ACVR1C: variants seen among roughly 807,000 people sequenced by gnomAD.
ACVR1C encodes activin A receptor type 1C.
In ACVR1C, 23 loss-of-function variants were observed where a neutral mutation model predicts 57.9. The ratio of observed to expected loss-of-function variants is 0.40; its 90% CI spans 0.29 to 0.56. The LOEUF (loss-of-function observed/expected upper bound fraction) is 0.56. Among genes scored for constraint, ACVR1C ranks in the 20% least tolerant of loss-of-function variants. The probability of loss-of-function intolerance (pLI) is 0.50; values close to 1 mark genes in which losing one functional copy is unlikely to be tolerated. For synonymous variants in ACVR1C, 214 were observed against 215.3 expected, an observed-to-expected ratio of 0.99 and a Z score of 0.05; for missense variants, 480 against 607.9, an observed-to-expected ratio of 0.79 and a Z score of 2.21.
chr2:157,554,046 A>G (rs1203984405), intron 3 of ACVR1C, among the ~76,000 whole-genome samples: 2 of 151,244 alleles, frequency 1.3e-5, no homozygotes, highest in African/African-American at 2.4e-5. Context: ...AGCCAGGTGT[A>G]GTGGGGCACA....
chr2:157,553,601 A>G (rs1223037047), intron 3 of ACVR1C, among the ~76,000 whole-genome samples: 1 of 152,218 alleles, frequency 6.6e-6, no homozygotes, highest in African/African-American at 2.4e-5. Flanking sequence ...ATTTGAAAGG[A>G]AAATCTTTGG....
intron 4 of ACVR1C, among the ~76,000 whole-genome samples, chr2:157,548,400 A>C (rs1441524365): frequency 8.3e-5 from 12 of 145,356 alleles, no homozygotes; most frequent in South Asian, 4.5e-4. Flanking sequence ...GCTACCAATG[A>C]CTTTCTTCAC....
chr2:157,614,997 A>G (rs60620003), intron 1 of ACVR1C, among the ~76,000 whole-genome samples: 9,954 of 152,228 alleles, frequency 0.065, 495 homozygotes, highest in East Asian at 0.24. Flanking sequence ...ATTTACATTT[A>G]ATGTAATTAT....
chr2:157,580,944 T>C (rs575183725), intron 2 of ACVR1C, among the ~76,000 whole-genome samples: 3 of 152,160 alleles, frequency 2.0e-5, no homozygotes, highest in African/African-American at 7.2e-5. Context: ...AGCCCAACTT[T>C]GGGTAAAGCA....
In ACVR1C at chr2:157,554,272, G is replaced by GAAAGAAAGAAAGAAAGAAAGA. The variant is rs1491411690; in HGVS notation, c.544+1820_544+1821insTCTTTCTTTCTTTCTTTCTTT. Reference sequence around the variant, plus strand: ...GAAAGAAAGAAAGAAAGAAAGAAAGGAAGGAAGGAAGAGAGAGAGAGAGAG... The same window carrying GAAAGAAAGAAAGAAAGAAAGA: ...GAAAGAAAGAAAGAAAGAAAGAAAGGAAAGAAAGAAAGAAAGAAAGAAAGGAAGGAAGAGAGAGAGAGAGAG... On this transcript the variant is annotated intron_variant, in intron 3 of 8. Coordinates refer to ENST00000243349, the MANE Select transcript of ACVR1C (RefSeq NM_145259.3). Among the ~76,000 whole-genome samples, 135 of 47,490 alleles carry GAAAGAAAGAAAGAAAGAAAGA rather than the reference G, an allele frequency of 2.8e-3. 1 individual carries two copies. The highest frequency in any genetic ancestry group is 9.7e-3 in the East Asian group (11 of 1,130). The allele number at this position is 47,490 out of a possible 152,430, so 31.2% of individuals were successfully genotyped here.
At chr2:157,612,161 A>T (rs985655532) in intron 1 of ACVR1C, among the ~76,000 whole-genome samples, 1 of 152,184 alleles carries the variant, frequency 6.6e-6, no homozygotes, top group African/African-American at 2.4e-5. Flanking sequence ...AATCCCAAAC[A>T]GGGAGCTCTT....
At chr2:157,537,394 A>G (rs1299497899) in intron 8 of ACVR1C, among the ~76,000 whole-genome samples, 1 of 151,866 alleles carries the variant, frequency 6.6e-6, no homozygotes, top group Non-Finnish European at 1.5e-5. Context: ...TAAATTATTA[A>G]TATTAGAAAA....
chr2:157,600,719 T>C (rs1474620938), intron 1 of ACVR1C, among the ~76,000 whole-genome samples: 2 of 151,980 alleles, frequency 1.3e-5, no homozygotes, highest in African/African-American at 4.8e-5. Context: ...AAAAATAGAG[T>C]GGCAAGTTCA....
chr2:157,618,804 A>T (rs1280633653), intron 1 of ACVR1C, among the ~76,000 whole-genome samples: 1 of 151,836 alleles, frequency 6.6e-6, no homozygotes, highest in Admixed American at 6.6e-5. Flanking sequence ...TACCAGGGAT[A>T]AAGTAGGAGT....
intron 1 of ACVR1C, among the ~76,000 whole-genome samples, chr2:157,616,018 G>A (rs1184089337): frequency 6.6e-6 from 1 of 152,048 alleles, no homozygotes; most frequent in Non-Finnish European, 1.5e-5. Context: ...GTCTGGATTG[G>A]GCTCTCCGAG....
At chr2:157,626,725 G>A (rs188627115) in intron 1 of ACVR1C, among the ~76,000 whole-genome samples, 1 of 152,294 alleles carries the variant, frequency 6.6e-6, no homozygotes. Context: ...TTTATATAAA[G>A]TTAAGAATAA....
chr2:157,580,529 G>T (rs57333072), intron 2 of ACVR1C, among the ~76,000 whole-genome samples: 1 of 152,072 alleles, frequency 6.6e-6, no homozygotes, highest in Non-Finnish European at 1.5e-5. Context: ...TTCCATTTTT[G>T]CCAAGTTACA....
intron 2 of ACVR1C, among the ~76,000 whole-genome samples, chr2:157,557,691 A>G (rs1195659609): frequency 6.6e-6 from 1 of 152,194 alleles, no homozygotes; most frequent in African/African-American, 2.4e-5. Context: ...TGGTATTCCT[A>G]TAAGAGACAA....
At chr2:157,588,866 T>TATATATATATATATATATATATATAG (rs1558989008) in intron 1 of ACVR1C, among the ~76,000 whole-genome samples, 2 of 141,980 alleles carry the variant, frequency 1.4e-5, no homozygotes, top group African/African-American at 5.2e-5. Flanking sequence ...TATATATATA[T>TATATATATATATATATATATATATAG]ATATATATAT....
intron 1 of ACVR1C, among the ~76,000 whole-genome samples, chr2:157,612,145 G>C (rs1682549300): frequency 6.6e-6 from 1 of 152,150 alleles, no homozygotes; most frequent in Non-Finnish European, 1.5e-5. Flanking sequence ...CAAAGTTGGT[G>C]ACCACAATCC....
At chr2:157,582,752 G>C (rs958599208) in intron 2 of ACVR1C, among the ~76,000 whole-genome samples, 2 of 152,104 alleles carry the variant, frequency 1.3e-5, no homozygotes, top group Admixed American at 1.3e-4. Context: ...GTAAAATTCT[G>C]TATCTTCTAT....
intron 3 of ACVR1C, among the ~76,000 whole-genome samples, chr2:157,555,294 AT>A (rs1169058658): frequency 7.0e-4 from 105 of 150,612 alleles, no homozygotes; most frequent in African/African-American, 2.5e-3. Flanking sequence ...AATTTTTTGT[AT>A]TTTTTAGTAG....
chr2:157,622,666 T>C (rs1429070164), intron 1 of ACVR1C, among the ~76,000 whole-genome samples: 1 of 152,036 alleles, frequency 6.6e-6, no homozygotes, highest in Non-Finnish European at 1.5e-5. Context: ...CAAGAAAACA[T>C]TGGGGAAAAT....
At chr2:157,613,326 A>T (rs1204818208) in intron 1 of ACVR1C, among the ~76,000 whole-genome samples, 2 of 151,680 alleles carry the variant, frequency 1.3e-5, no homozygotes, top group African/African-American at 4.8e-5. Context: ...AGCCATCTTA[A>T]CTCCTCTATA....
Sources: gnomAD v4.1 joint callset for allele counts (sites outside exome capture counted in the v4.1 genomes callset) on GRCh38, gnomAD v4.1.1 for gene constraint, MANE v1.5 for transcripts, NCBI Gene and HGNC (gene_info 2026-07-23, HGNC 2026-07-21) for gene names.